Variants in ZNF804B observed in about 807,000 individuals in gnomAD.
ZNF804B encodes the protein zinc finger 804B.
Under a neutral mutation model 101.4 loss-of-function variants are expected in ZNF804B, and 80 were observed. The ratio of observed to expected loss-of-function variants is 0.79; its 90% CI spans 0.66 to 0.95. ZNF804B has a LOEUF of 0.95. Ranked by LOEUF, ZNF804B falls within the 40% of genes least tolerant of loss-of-function variation. The pLI is 0.00. For synonymous variants in ZNF804B, 622 were observed against 558.8 expected, an observed-to-expected ratio of 1.11 and a Z score of -1.59; for missense variants, 1,673 against 1,561.9, an observed-to-expected ratio of 1.07 and a Z score of -1.20.
At chr7:88,990,885 A>G (rs1428524996) in intron 1 of ZNF804B, among the ~76,000 whole-genome samples, 2 of 152,144 alleles carry the variant, frequency 1.3e-5, no homozygotes, top group East Asian at 1.9e-4. Flanking sequence ...AGCAATGGCT[A>G]TGATAAATAT....
intron 1 of ZNF804B, among the ~76,000 whole-genome samples, chr7:88,934,768 G>T (rs982967708): frequency 6.6e-6 from 1 of 151,956 alleles, no homozygotes; most frequent in Non-Finnish European, 1.5e-5. Context: ...GTGTTGAAAA[G>T]TGAACACCTT....
At chr7:89,079,256 T>A (rs1409946438) in intron 1 of ZNF804B, among the ~76,000 whole-genome samples, 1 of 152,046 alleles carries the variant, frequency 6.6e-6, no homozygotes, top group Non-Finnish European at 1.5e-5. Context: ...AAGCATTAAA[T>A]ATTACATGGT....
chr7:89,286,064 G>T (rs1221626965), intron 2 of ZNF804B, among the ~76,000 whole-genome samples: 1 of 152,162 alleles, frequency 6.6e-6, no homozygotes. Context: ...TCCACTAAGA[G>T]ACTACATTTC....
chr7:89,268,454 T>C (rs1210461304), intron 2 of ZNF804B, among the ~76,000 whole-genome samples: 2 of 152,136 alleles, frequency 1.3e-5, no homozygotes, highest in African/African-American at 4.8e-5. Flanking sequence ...TCCAACAACA[T>C]TGCAAACATT....
chr7:89,166,861 C>T (rs939276597), intron 1 of ZNF804B, among the ~76,000 whole-genome samples: 2 of 152,128 alleles, frequency 1.3e-5, no homozygotes, highest in African/African-American at 2.4e-5. Context: ...GAAATTATTA[C>T]AGCAGTATGT....
chr7:89,274,837 C>G (rs560991266), intron 2 of ZNF804B, among the ~76,000 whole-genome samples: 1 of 151,984 alleles, frequency 6.6e-6, no homozygotes, highest in South Asian at 2.1e-4. Flanking sequence ...GCTAACCACT[C>G]TTTTTCAGTC....
intron 1 of ZNF804B, among the ~76,000 whole-genome samples, chr7:89,149,018 A>AT (rs1433638743): frequency 1.3e-5 from 2 of 151,994 alleles, no homozygotes; most frequent in Non-Finnish European, 2.9e-5. Context: ...ACTTAGGCTG[A>AT]TTTTTTGCTT....
At chr7:88,766,932 T>G (rs1376330113) in intron 1 of ZNF804B, among the ~76,000 whole-genome samples, 3 of 152,200 alleles carry the variant, frequency 2.0e-5, no homozygotes, top group Non-Finnish European at 4.4e-5. Context: ...GCAATTTCCT[T>G]TTGGCAAATT....
At chr7:89,137,269 T>G (rs1006728898) in intron 1 of ZNF804B, among the ~76,000 whole-genome samples, 1 of 152,070 alleles carries the variant, frequency 6.6e-6, no homozygotes, top group East Asian at 1.9e-4. Flanking sequence ...TAATTTTCAT[T>G]TTACTTTCAC....
chr7:89,261,221 A>G (rs1246286239), intron 2 of ZNF804B, among the ~76,000 whole-genome samples: 1 of 152,188 alleles, frequency 6.6e-6, no homozygotes, highest in Non-Finnish European at 1.5e-5. Context: ...TAATAGAGCC[A>G]TGAATAATCC....
intron 1 of ZNF804B, among the ~76,000 whole-genome samples, chr7:88,776,772 A>G (rs1013634846): frequency 8.0e-5 from 7 of 87,878 alleles, no homozygotes; most frequent in Admixed American, 4.4e-4. Flanking sequence ...CCAATTAGTA[A>G]CCCATAAACC....
intron 1 of ZNF804B, among the ~76,000 whole-genome samples, chr7:88,967,703 A>G (rs1256133002): frequency 7.6e-6 from 1 of 131,160 alleles, no homozygotes; most frequent in African/African-American, 3.0e-5. Flanking sequence ...AATGATGACT[A>G]GAATTGAAAA....
intron 1 of ZNF804B, among the ~76,000 whole-genome samples, chr7:88,833,327 A>G (rs1791160694): frequency 6.6e-6 from 1 of 151,962 alleles, no homozygotes; most frequent in South Asian, 2.1e-4. Context: ...ATTTGAGGAA[A>G]TTACTTAACT....
At chr7:88,957,407 C>T (rs1793326441) in intron 1 of ZNF804B, among the ~76,000 whole-genome samples, 1 of 151,394 alleles carries the variant, frequency 6.6e-6, no homozygotes, top group African/African-American at 2.4e-5. Context: ...AAAGTGAATT[C>T]ATATTGGTAA....
At chr7:88,921,509 A>C (rs897059681) in intron 1 of ZNF804B, among the ~76,000 whole-genome samples, 1 of 152,168 alleles carries the variant, frequency 6.6e-6, no homozygotes, top group African/African-American at 2.4e-5. Flanking sequence ...AGCTTATGTG[A>C]CATTTATAGG....
At chr7:89,110,387 A>C (rs1430906396) in intron 1 of ZNF804B, among the ~76,000 whole-genome samples, 1 of 152,210 alleles carries the variant, frequency 6.6e-6, no homozygotes, top group Non-Finnish European at 1.5e-5. Flanking sequence ...AATGTGGTAG[A>C]TGGGTTTGAG....
At chr7:88,996,265 T>C (rs999024940) in intron 1 of ZNF804B, among the ~76,000 whole-genome samples, 2 of 152,138 alleles carry the variant, frequency 1.3e-5, no homozygotes, top group Non-Finnish European at 2.9e-5. Context: ...CTCTATTTTC[T>C]GCATAGAAAT....
At chr7:89,175,903 T>G (rs1584033620) in intron 1 of ZNF804B, among the ~76,000 whole-genome samples, 1 of 152,162 alleles carries the variant, frequency 6.6e-6, no homozygotes, top group Middle Eastern at 3.4e-3. Context: ...TTTTCTATAA[T>G]GACTTTGTAT....
At chr7:88,891,262 C>T (rs1470025959) in intron 1 of ZNF804B, among the ~76,000 whole-genome samples, 1 of 152,038 alleles carries the variant, frequency 6.6e-6, no homozygotes, top group African/African-American at 2.4e-5. Flanking sequence ...TGTGTTGAGA[C>T]TATATTTGTA....
Sources: allele counts gnomAD v4.1 joint callset (sites outside exome capture counted in the v4.1 genomes callset), GRCh38; gene constraint gnomAD v4.1.1; transcripts MANE v1.5; gene names NCBI Gene and HGNC (gene_info 2026-07-23, HGNC 2026-07-21).